Variants in GOLGA1 observed in about 807,000 individuals in gnomAD.
The protein encoded by GOLGA1 is golgin A1, also known as golgin subfamily A member 1.
GOLGA1 carries 63 observed loss-of-function variants against 119.7 expected under a neutral mutation model. The ratio of observed to expected loss-of-function variants is 0.53; its 90% CI spans 0.43 to 0.65. GOLGA1 has a LOEUF of 0.65. Among genes scored for constraint, GOLGA1 ranks in the 30% least tolerant of loss-of-function variants. GOLGA1 has a pLI of 0.00. For missense variants in GOLGA1, 798 were observed against 912.8 expected (o/e 0.87, Z 1.62); for synonymous variants, 318 against 333.4 (o/e 0.95, Z 0.50).
Position 124,890,420 on chromosome 9 carries a change from A to G in GOLGA1, c.1466T>C (p.Val489Ala), listed in dbSNP as rs754022523. The change falls in exon 16 of 23, where the codon GTG becomes GCG. Residue 489 changes from valine to alanine, a missense_variant. By Grantham distance (64) the Val-to-Ala change is moderately conservative (BLOSUM62 0). Transcript: ENST00000373555. ...CTGGAACTCTTCCCTTTGCTTCCGC[A>G]CCTCCTCCAGGGCTTGAGCCATGGC... ...SVAMAQALEE[V>A]RKQREEFQQQ... is the part of the protein sequence containing the mutation. The G allele has an allele frequency of 3.0e-5, 48 of 1,613,304 alleles. No individual in the cohort carries two copies. Among genetic ancestry groups the G allele is most frequent in the Non-Finnish European group, 3.8e-5 (45 of 1,179,568 alleles).
chr9:124,913,920 A>C (rs971065174), intron 10 of GOLGA1, among the ~76,000 whole-genome samples: 6 of 152,220 alleles, frequency 3.9e-5, no homozygotes, highest in Non-Finnish European at 7.3e-5. Context: ...AGCACATACA[A>C]AGAGGTAACA....
At chr9:124,904,956 T>TA (rs57532711) in intron 12 of GOLGA1, among the ~76,000 whole-genome samples, 202 of 111,166 alleles carry the variant, frequency 1.8e-3, no homozygotes, top group Admixed American at 4.2e-3. Flanking sequence ...AAAAAAAAAA[T>TA]AAATAAAATA....
intron 4 of GOLGA1, among the ~76,000 whole-genome samples, chr9:124,930,345 A>T (rs1464637124): frequency 1.3e-5 from 2 of 152,214 alleles, no homozygotes; most frequent in African/African-American, 4.8e-5. Flanking sequence ...AATTAAGTTT[A>T]AGGCAGATGG....
chr9:124,899,601 C>A (rs982555719), intron 13 of GOLGA1, 123 bp from the exon 14 acceptor site: 2 of 991,470 alleles, frequency 2.0e-6, no homozygotes, highest in Middle Eastern at 2.6e-4. Context: ...CCCCATCCCC[C>A]CTGGCGTTGC....
chr9:124,923,276 T>C (rs1282776160), intron 7 of GOLGA1, 53 bp from the exon 8 acceptor site: 15 of 1,429,134 alleles, frequency 1.0e-5, no homozygotes, highest in African/African-American at 1.4e-5. Context: ...TAGAAATCTG[T>C]ATTACGAAAG....
Position 124,888,152 on chromosome 9 carries a change from G to T in GOLGA1, c.1905+101C>A. Reference sequence around the variant, plus strand: ...AGGGGTCATGGTTGCCAGGAGGTGCGGGGGAAACCACAAAAACCTCCAAGG... The same window carrying T: ...AGGGGTCATGGTTGCCAGGAGGTGCTGGGGAAACCACAAAAACCTCCAAGG... On this transcript the variant is annotated intron_variant, in intron 19 of 22. Coordinates refer to ENST00000373555, the MANE Select transcript of GOLGA1 (RefSeq NM_002077.4). This position sits in a 1 kb window ranked among gnomAD's most constrained non-coding sequence, Gnocchi z 4.4. The T allele has an allele frequency of 9.1e-7, 1 of 1,093,416 alleles. No individual in the cohort carries two copies. The highest frequency in any genetic ancestry group is 1.4e-6 in the Non-Finnish European group (1 of 724,074). The allele number at this position is 1,093,416 out of a possible 1,614,324, so 67.7% of individuals were successfully genotyped here. A position where few individuals can be genotyped will look rare whatever the true frequency, so the allele number is the denominator to read the frequency against.
chr9:124,899,520 T>A, intron 13 of GOLGA1, 42 bp from the exon 14 acceptor site: 1 of 1,529,352 alleles, frequency 6.5e-7, no homozygotes, highest in Non-Finnish European at 8.8e-7. Context: ...GTGACAATGG[T>A]TTCCAGTGGG....
chr9:124,934,803 T>G (rs1220044482), intron 3 of GOLGA1, among the ~76,000 whole-genome samples: 3 of 152,152 alleles, frequency 2.0e-5, no homozygotes, highest in African/African-American at 7.2e-5. Flanking sequence ...TCCCAGTACT[T>G]TGGGAGGCCA....
chr9:124,921,070 G>T, intron 10 of GOLGA1, 59 bp downstream of exon 10: 4 of 1,055,512 alleles, frequency 3.8e-6, no homozygotes, highest in Non-Finnish European at 5.9e-6. Flanking sequence ...AGAAATTTCT[G>T]AAAGAATTAG....
chr9:124,928,394 A>T, intron 5 of GOLGA1, 109 bp from the exon 6 acceptor site: 1 of 558,142 alleles, frequency 1.8e-6, no homozygotes, highest in Non-Finnish European at 3.2e-6. Flanking sequence ...AAAGTCACAT[A>T]AGTGGATTGT....
chr9:124,941,401 C>T (rs1327621773), upstream of GOLGA1, among the ~76,000 whole-genome samples: 1 of 152,206 alleles, frequency 6.6e-6, no homozygotes, highest in Non-Finnish European at 1.5e-5. Context: ...CAGTCGGTGC[C>T]ACAGGCCCCG....
At chr9:124,882,606 A>C in intron 19 of GOLGA1, 37 bp from the exon 20 acceptor site, 2 of 1,540,892 alleles carry the variant, frequency 1.3e-6, no homozygotes, top group Non-Finnish European at 1.8e-6. Flanking sequence ...GCCAATCGTT[A>C]GATGCATGTT....
chr9:124,911,192 G>A (rs1184457472), intron 11 of GOLGA1, among the ~76,000 whole-genome samples: 13 of 152,222 alleles, frequency 8.5e-5, no homozygotes, highest in Admixed American at 6.5e-5. Flanking sequence ...AAGAGAGACT[G>A]ATGCTGGGTA....
At chr9:124,918,163 T>C (rs1830490500) in intron 10 of GOLGA1, among the ~76,000 whole-genome samples, 1 of 152,160 alleles carries the variant, frequency 6.6e-6, no homozygotes, top group Admixed American at 6.5e-5. Flanking sequence ...TGATCTGATA[T>C]CTTTTAATAG....
At chr9:124,904,012 G>A (rs1018131261) in intron 12 of GOLGA1, among the ~76,000 whole-genome samples, 4 of 150,416 alleles carry the variant, frequency 2.7e-5, no homozygotes, top group South Asian at 4.2e-4. Context: ...GCAGTGAGCC[G>A]AGATCGTGCC....
intron 10 of GOLGA1, among the ~76,000 whole-genome samples, chr9:124,920,265 G>T (rs1319142476): frequency 6.6e-6 from 1 of 151,350 alleles, no homozygotes; most frequent in Non-Finnish European, 1.5e-5. Flanking sequence ...AACTACAGGT[G>T]CACACCACCA....
chr9:124,881,110 T>A lies in GOLGA1; in HGVS notation c.2223+61A>T. The A allele has an allele frequency of 3.3e-6, 3 of 898,602 alleles. No individual in the cohort carries two copies. The South Asian group carries it at 3.9e-5, about 12-fold the overall frequency. The allele number at this position is 898,602 out of a possible 1,614,324, so 55.7% of individuals were successfully genotyped here. On this transcript the variant is annotated intron_variant, in intron 22 of 22. Transcript: ENST00000373555. The surrounding 1 kb of genome is among the most constrained non-coding windows in gnomAD (Gnocchi z 4.9). ...GTGGGTCTAAGGGGTCTTACACTGC[T>A]ACTGCTGGGATAACTGACAACGTAT... is the stretch of plus-strand genomic sequence containing the variant.
intron 12 of GOLGA1, among the ~76,000 whole-genome samples, chr9:124,907,195 T>C (rs1366750584): frequency 2.0e-5 from 3 of 152,116 alleles, no homozygotes; most frequent in South Asian, 4.1e-4. Flanking sequence ...GACAAACCCA[T>C]GTGCAGACAG....
Position 124,911,896 on chromosome 9 carries a change from G to A in GOLGA1, c.969+5C>T, listed in dbSNP as rs1830348040. On this transcript the variant is annotated splice_donor_5th_base_variant and intron_variant, in intron 11 of 22. Coordinates refer to ENST00000373555, the MANE Select transcript of GOLGA1 (RefSeq NM_002077.4). ...ACCAGCCAGCCCAAAGAGAACAGAA[G>A]TTACCTCTTTCAGGAGTTCTTGCAA... is the stretch of plus-strand genomic sequence containing the variant. The A allele has an allele frequency of 6.2e-7, 1 of 1,610,910 alleles. No homozygotes were observed. The highest frequency in any genetic ancestry group is 1.1e-5 in the South Asian group (1 of 90,860).
Sources: gnomAD v4.1 joint callset for allele counts (sites outside exome capture counted in the v4.1 genomes callset) on GRCh38, gnomAD v4.1.1 for gene constraint, Gnocchi (gnomAD v3.1) non-coding constraint, MANE v1.5 for transcripts, NCBI Gene and HGNC (gene_info 2026-07-23, HGNC 2026-07-21) for gene names.